SEZ6L: variants seen among roughly 807,000 people sequenced by gnomAD.
The protein encoded by SEZ6L is seizure 6-like protein.
In SEZ6L, 37 loss-of-function variants were observed where a neutral mutation model predicts 106.2. That is an observed-to-expected ratio of 0.35 (90% CI 0.27 to 0.46). SEZ6L has a LOEUF of 0.46. SEZ6L is among the 20% of genes least tolerant of loss of function. The probability of loss-of-function intolerance (pLI) is 1.00; values close to 1 mark genes in which losing one functional copy is unlikely to be tolerated. For synonymous variants in SEZ6L, 541 were observed against 570.4 expected, an observed-to-expected ratio of 0.95 and a Z score of 0.73; for missense variants, 1,172 against 1,332.8, an observed-to-expected ratio of 0.88 and a Z score of 1.88.
chr22:26,373,436 T>G lies in SEZ6L; in HGVS notation c.2795-15T>G. On this transcript the variant is annotated splice_polypyrimidine_tract_variant and intron_variant, in intron 13 of 16. Coordinates refer to ENST00000248933, the MANE Select transcript of SEZ6L (RefSeq NM_021115.5). ...TCACTTTACATTGACCAATGCTTCC[T>G]GATTTCTCTTTCAGTTAATCAAGAC... 1 of 1,601,624 alleles carries G rather than the reference T, an allele frequency of 6.2e-7. No individual in the cohort carries two copies. Among genetic ancestry groups the G allele is most frequent in the South Asian group, 1.1e-5 (1 of 87,624 alleles).
At chr22:26,351,597 A>T (rs1004927026) in intron 12 of SEZ6L, 1 of 188,346 alleles carries the variant, frequency 5.3e-6, no homozygotes, top group Non-Finnish European at 1.1e-5. Context: ...CCCAGGCTGG[A>T]GTGCAGTGGC....
intron 1 of SEZ6L, among the ~76,000 whole-genome samples, chr22:26,191,436 G>A (rs1431416991): frequency 3.3e-5 from 5 of 152,070 alleles, no homozygotes; most frequent in Admixed American, 2.0e-4. Flanking sequence ...TCCTTTCCAG[G>A]GACATGGATG....
rs73158656 is a variant in SEZ6L at position 26,354,395 on chromosome 22, C to A, written c.2599+3152C>A. On this transcript the variant is annotated intron_variant, in intron 12 of 16. Coordinates refer to ENST00000248933, the MANE Select transcript of SEZ6L (RefSeq NM_021115.5). ...AGGGAGCACGAAGGAAGGACCCCCC[C>A]CAACCGCCCACAGCATTCAGAGGGA... Among the ~76,000 whole-genome samples the A allele has an allele frequency of 9.5e-3, 1,450 of 152,242 alleles. 13 individuals carry two copies. The highest frequency in any genetic ancestry group is 0.012 in the Non-Finnish European group (847 of 68,006).
At chr22:26,242,310 G>A (rs2079162812) in intron 1 of SEZ6L, among the ~76,000 whole-genome samples, 1 of 152,232 alleles carries the variant, frequency 6.6e-6, no homozygotes, top group Non-Finnish European at 1.5e-5. Flanking sequence ...CAGTCCATGG[G>A]GCCAGGCTCA....
chr22:26,196,378 T>C (rs1940581869), intron 1 of SEZ6L, among the ~76,000 whole-genome samples: 1 of 152,212 alleles, frequency 6.6e-6, no homozygotes, highest in South Asian at 2.1e-4. Context: ...CAGTCTCAGG[T>C]ATTTTTGTAT....
chr22:26,334,506 C>T (rs751646231), intron 9 of SEZ6L, among the ~76,000 whole-genome samples: 12 of 152,132 alleles, frequency 7.9e-5, no homozygotes, highest in Admixed American at 2.0e-4. Context: ...ACAAATAGAC[C>T]GTATTTTGCT....
intron 1 of SEZ6L, among the ~76,000 whole-genome samples, chr22:26,271,118 A>C (rs1459472766): frequency 6.6e-6 from 1 of 152,214 alleles, no homozygotes; most frequent in Non-Finnish European, 1.5e-5. Flanking sequence ...CAAACCATTC[A>C]TTCGGTGCTT....
intron 1 of SEZ6L, among the ~76,000 whole-genome samples, chr22:26,205,151 C>A (rs1285713824): frequency 1.2e-4 from 18 of 152,242 alleles, no homozygotes; most frequent in Non-Finnish European, 5.9e-5. Context: ...TGGCAGATTT[C>A]ACTGCCTCTT....
chr22:26,259,868 A>C (rs1480299463), intron 1 of SEZ6L, among the ~76,000 whole-genome samples: 1 of 152,238 alleles, frequency 6.6e-6, no homozygotes, highest in African/African-American at 2.4e-5. Flanking sequence ...GTGCTATTAA[A>C]GAAAAAAATT....
chr22:26,262,623 C>T (rs1418585190), intron 1 of SEZ6L, among the ~76,000 whole-genome samples: 1 of 152,070 alleles, frequency 6.6e-6, no homozygotes, highest in Non-Finnish European at 1.5e-5. Flanking sequence ...GCTCAGGGAG[C>T]TTGTAATGGG....
At chr22:26,363,344 C>T (rs2083697886) in intron 12 of SEZ6L, among the ~76,000 whole-genome samples, 1 of 152,176 alleles carries the variant, frequency 6.6e-6, no homozygotes, top group Non-Finnish European at 1.5e-5. Flanking sequence ...ACCACAAGTG[C>T]CGTAGGACCA....
At chr22:26,286,507 T>G (rs2080936871) in intron 1 of SEZ6L, among the ~76,000 whole-genome samples, 1 of 152,254 alleles carries the variant, frequency 6.6e-6, no homozygotes, top group South Asian at 2.1e-4. Context: ...TTCTCTGCAT[T>G]GCAATTTGTT....
rs186211133 is a variant in SEZ6L at position 26,346,378 on chromosome 22, C to A, written c.2213-1341C>A. On this transcript the variant is annotated intron_variant, in intron 10 of 16. Transcript: ENST00000248933. ...TGATAGCTAATTATTTCTCTTAATG[C>A]ATATTAAAAATGCATATATTACTTA... Among the ~76,000 whole-genome samples the A allele has an allele frequency of 3.1e-3, 471 of 152,296 alleles. 5 individuals carry two copies. The highest frequency in any genetic ancestry group is 0.011 in the African/African-American group (448 of 41,548).
chr22:26,249,039 T>C (rs147845078), intron 1 of SEZ6L, among the ~76,000 whole-genome samples: 1 of 152,342 alleles, frequency 6.6e-6, no homozygotes, highest in Non-Finnish European at 1.5e-5. Context: ...TTTTTAAGTA[T>C]TTTTTAATTG....
chr22:26,344,911 A>C (rs2082958289), intron 10 of SEZ6L, among the ~76,000 whole-genome samples: 1 of 152,246 alleles, frequency 6.6e-6, no homozygotes, highest in African/African-American at 2.4e-5. Flanking sequence ...TATTTAAAAA[A>C]GAAAGAAGAG....
chr22:26,191,059 G>A (rs1365270771), intron 1 of SEZ6L, among the ~76,000 whole-genome samples: 1 of 152,148 alleles, frequency 6.6e-6, no homozygotes, highest in Non-Finnish European at 1.5e-5. Context: ...TGTCAGTTTA[G>A]CAGTGACTTG....
chr22:26,243,849 G>T (rs938562696), intron 1 of SEZ6L, among the ~76,000 whole-genome samples: 2 of 151,528 alleles, frequency 1.3e-5, no homozygotes, highest in African/African-American at 2.4e-5. Flanking sequence ...GCCTGGCGTG[G>T]TGGCTCACAA....
chr22:26,263,250 C>G (rs1224455572), intron 1 of SEZ6L, among the ~76,000 whole-genome samples: 3 of 152,234 alleles, frequency 2.0e-5, no homozygotes, highest in Non-Finnish European at 4.4e-5. Context: ...TACTGTGTAA[C>G]CTGGAGGCAA....
chr22:26,205,977 C>T (rs895575878), intron 1 of SEZ6L, among the ~76,000 whole-genome samples: 21 of 152,154 alleles, frequency 1.4e-4, no homozygotes, highest in Non-Finnish European at 7.3e-5. Context: ...ACTCATCCTT[C>T]ACCCTCCTGT....
Sources: gnomAD v4.1 joint callset for allele counts (sites outside exome capture counted in the v4.1 genomes callset) on GRCh38, gnomAD v4.1.1 for gene constraint, MANE v1.5 for transcripts, NCBI Gene and HGNC (gene_info 2026-07-23, HGNC 2026-07-21) for gene names.